Variants in CATSPERQ observed in about 807,000 individuals in gnomAD.
The protein encoded by CATSPERQ is catsper channel auxiliary subunit theta.
chr8:144,354,105 G>A, the CATSPERQ span: 3 of 1,535,156 alleles, frequency 2.0e-6, no homozygotes, highest in African/African-American at 1.4e-5. The surrounding 1 kb of genome is among the most constrained non-coding windows in gnomAD (Gnocchi z 4.6). Flanking sequence ...ACAGGCCCAC[G>A]CCCACGCCGT....
At chr8:144,353,413 T>C in the CATSPERQ span, 2 of 1,535,814 alleles carry the variant, frequency 1.3e-6, no homozygotes, top group Non-Finnish European at 1.7e-6. Context: ...CCCATCACAG[T>C]GCCAGCGCCA....
At chr8:144,353,412 G>T in the CATSPERQ span, 2 of 1,535,882 alleles carry the variant, frequency 1.3e-6, no homozygotes, top group Non-Finnish European at 1.7e-6. Context: ...GCCCATCACA[G>T]TGCCAGCGCC....
the CATSPERQ span, chr8:144,354,841 C>T: frequency 6.7e-7 from 1 of 1,490,536 alleles, no homozygotes; most frequent in Admixed American, 2.2e-5. The surrounding 1 kb of genome is among the most constrained non-coding windows in gnomAD (Gnocchi z 4.6). Context: ...GGCACTCCTA[C>T]CTCGGTGAGC....
the CATSPERQ span, chr8:144,353,422 C>A: frequency 6.5e-7 from 1 of 1,535,942 alleles, no homozygotes; most frequent in East Asian, 2.4e-5. Flanking sequence ...GTGCCAGCGC[C>A]AGGGGGTGGC....
At chr8:144,353,949 G>A in the CATSPERQ span, 4 of 1,530,536 alleles carry the variant, frequency 2.6e-6, no homozygotes, top group African/African-American at 1.4e-5. Context: ...CTCCCGGCCC[G>A]TTACCATCGG....
chr8:144,354,121 A>G, the CATSPERQ span: 17 of 1,534,878 alleles, frequency 1.1e-5, no homozygotes, highest in Non-Finnish European at 1.5e-5. The surrounding 1 kb of genome is among the most constrained non-coding windows in gnomAD (Gnocchi z 4.6). Flanking sequence ...GCCGTACACG[A>G]GGAAGACCCA....
the CATSPERQ span, chr8:144,353,273 C>CA: frequency 4.5e-5 from 65 of 1,435,092 alleles, 2 homozygotes; most frequent in Admixed American, 1.7e-3. Flanking sequence ...GAGTGGGACT[C>CA]ACATTTGATC....
chr8:144,353,557 C>A, the CATSPERQ span: 1 of 1,521,420 alleles, frequency 6.6e-7, no homozygotes, highest in South Asian at 1.2e-5. Flanking sequence ...TCAACTGGGG[C>A]CGGGACAGGA....
At chr8:144,353,982 G>C in the CATSPERQ span, 1 of 1,534,558 alleles carries the variant, frequency 6.5e-7, no homozygotes, top group Non-Finnish European at 8.7e-7. Context: ...GGCGCACGTA[G>C]ACCAGATGCA....
the CATSPERQ span, chr8:144,354,187 C>T: frequency 7.8e-6 from 12 of 1,541,908 alleles, no homozygotes; most frequent in South Asian, 5.9e-5. This position sits in a 1 kb window ranked among gnomAD's most constrained non-coding sequence, Gnocchi z 4.6. Flanking sequence ...CGGCGCGGGG[C>T]CGGCCCTCAG....
the CATSPERQ span, chr8:144,354,182 CG>C: frequency 1.3e-6 from 2 of 1,541,260 alleles, no homozygotes; most frequent in Non-Finnish European, 1.7e-6. The surrounding 1 kb of genome is among the most constrained non-coding windows in gnomAD (Gnocchi z 4.6). Flanking sequence ...CTGAGCGGCG[CG>C]GGGCCGGCCC....
At chr8:144,354,157 C>A in the CATSPERQ span, 2 of 1,535,332 alleles carry the variant, frequency 1.3e-6, no homozygotes, top group South Asian at 1.2e-5. This position sits in a 1 kb window ranked among gnomAD's most constrained non-coding sequence, Gnocchi z 4.6. Flanking sequence ...CACCTGCGGG[C>A]GCCACGCGGA....
At chr8:144,354,296 T>C in the CATSPERQ span, 1 of 1,534,200 alleles carries the variant, frequency 6.5e-7, no homozygotes, top group Non-Finnish European at 8.7e-7. This position sits in a 1 kb window ranked among gnomAD's most constrained non-coding sequence, Gnocchi z 4.6. Flanking sequence ...AGCATCCCCT[T>C]CCACAGTGTG....
At chr8:144,354,616 C>A in the CATSPERQ span, 2 of 1,527,650 alleles carry the variant, frequency 1.3e-6, no homozygotes, top group African/African-American at 2.8e-5. The surrounding 1 kb of genome is among the most constrained non-coding windows in gnomAD (Gnocchi z 4.6). Context: ...CTCGCGCGCA[C>A]CGTTTGGCTC....
At chr8:144,353,401 TGCCCATCACAGTGCCA>T in the CATSPERQ span, 1 of 1,535,716 alleles carries the variant, frequency 6.5e-7, no homozygotes, top group East Asian at 2.4e-5. Flanking sequence ...ATGGGGCTCT[TGCCCATCACAGTGCCA>T]GCGCCAGGGG....
chr8:144,353,593 C>T, the CATSPERQ span: 1 of 1,477,870 alleles, frequency 6.8e-7, no homozygotes, highest in East Asian at 2.5e-5. Flanking sequence ...GTCCAGGCGT[C>T]TCCTTCCCCT....
chr8:144,353,829 G>T, the CATSPERQ span: 9 of 1,535,474 alleles, frequency 5.9e-6, no homozygotes, highest in African/African-American at 1.4e-5. Context: ...ACCTGTGGCC[G>T]CCGAGGACCA....
the CATSPERQ span, chr8:144,354,656 T>G: frequency 4.6e-6 from 7 of 1,535,076 alleles, no homozygotes; most frequent in Non-Finnish European, 6.1e-6. The surrounding 1 kb of genome is among the most constrained non-coding windows in gnomAD (Gnocchi z 4.6). Context: ...AAGCTATTGT[T>G]CTTGAGGCGT....
chr8:144,354,503 C>CCTGCCT, the CATSPERQ span: 1 of 1,396,914 alleles, frequency 7.2e-7, no homozygotes, highest in Non-Finnish European at 9.4e-7. The surrounding 1 kb of genome is among the most constrained non-coding windows in gnomAD (Gnocchi z 4.6). Flanking sequence ...GGGCCCTGGC[C>CCTGCCT]CTGCCTCTGC....
Sources: allele counts gnomAD v4.1 joint callset, GRCh38; gene constraint gnomAD v4.1.1; non-coding constraint Gnocchi (gnomAD v3.1); transcripts MANE v1.5; gene names NCBI Gene and HGNC (gene_info 2026-07-23, HGNC 2026-07-21).